Variants in MAP4K3 observed in about 807,000 individuals in gnomAD.
MAP4K3 encodes mitogen-activated protein kinase kinase kinase kinase 3.
A neutral mutation model predicts 143.5 loss-of-function variants in MAP4K3; 94 were observed. The ratio of observed to expected loss-of-function variants is 0.65; its 90% CI spans 0.55 to 0.78. The LOEUF is 0.78. Ranked by LOEUF, MAP4K3 falls within the 30% of genes least tolerant of loss-of-function variation. The pLI is 0.00. For missense variants in MAP4K3, 1,077 were observed against 1,068.1 expected, an observed-to-expected ratio of 1.01 and a Z score of -0.12; for synonymous variants, 416 against 347.2, an observed-to-expected ratio of 1.20 and a Z score of -2.20.
At chr2:39,287,582 T>C (rs1286563884) in intron 20 of MAP4K3, among the ~76,000 whole-genome samples, 2 of 152,112 alleles carry the variant, frequency 1.3e-5, no homozygotes, top group African/African-American at 2.4e-5. Context: ...GGATTACAGG[T>C]GTGAGCCACC....
intron 33 of MAP4K3, 93 bp downstream of exon 33, chr2:39,251,737 G>T: frequency 9.8e-7 from 1 of 1,023,938 alleles, no homozygotes; most frequent in South Asian, 1.4e-5. Context: ...ACATATTGCA[G>T]ACATTTCAAT....
Position 39,280,263 on chromosome 2 carries a change from C to A in MAP4K3, c.1714+9G>T. ...TAGGAAGATAACAGATAAAAACACA[C>A]AATACTACCTCTTGTATCTGGGTTT... On this transcript the variant is annotated intron_variant, in intron 23 of 33. Transcript: ENST00000263881. 6.7e-7 allele frequency: 1 copy of A among 1,485,214 alleles called. No individual in the cohort carries two copies. Among genetic ancestry groups the A allele is most frequent in the Non-Finnish European group, 9.1e-7 (1 of 1,095,326 alleles). The allele number at this position is 1,485,214 out of a possible 1,614,324, so 92.0% of individuals were successfully genotyped here. A position where few individuals can be genotyped will look rare whatever the true frequency, so the allele number is the denominator to read the frequency against.
intron 1 of MAP4K3, among the ~76,000 whole-genome samples, chr2:39,391,138 G>A (rs552775772): frequency 2.0e-5 from 3 of 151,988 alleles, no homozygotes; most frequent in Non-Finnish European, 2.9e-5. Context: ...GGCGGATCAC[G>A]AGGTCAGGAG....
At chr2:39,299,713 T>C (rs781122006) in intron 16 of MAP4K3, 30 bp downstream of exon 16, 2 of 1,337,682 alleles carry the variant, frequency 1.5e-6, no homozygotes, top group Admixed American at 4.6e-5. Flanking sequence ...TTCTTGAATT[T>C]AAATTAAGTT....
chr2:39,321,684 G>T (rs187643069), intron 12 of MAP4K3, among the ~76,000 whole-genome samples: 1 of 152,346 alleles, frequency 6.6e-6, no homozygotes, highest in Admixed American at 6.5e-5. Flanking sequence ...GCAATGGAAT[G>T]TCTCAGTATA....
At position 39,382,705 on chromosome 2, in the gene MAP4K3, C is replaced by A. The variant is rs538393195; in HGVS notation, c.97-4582G>T. On this transcript the variant is annotated intron_variant, in intron 1 of 33. Coordinates refer to ENST00000263881, the MANE Select transcript of MAP4K3 (RefSeq NM_003618.4). ...AAAATACTGCTACAAATTTTGAATT[C>A]TAGGTCAAGCGATTAAGAATGGGAC... 7.9e-5 allele frequency among the ~76,000 whole-genome samples: 12 copies of A among 152,254 alleles called. No homozygotes were observed. In the South Asian group the frequency reaches 2.5e-3, roughly 32 times the overall value.
intron 1 of MAP4K3, among the ~76,000 whole-genome samples, chr2:39,389,549 A>C (rs1216271555): frequency 6.6e-6 from 1 of 152,206 alleles, no homozygotes; most frequent in Non-Finnish European, 1.5e-5. Context: ...CACTCAGAGA[A>C]AAGGAGTCAG....
intron 2 of MAP4K3, among the ~76,000 whole-genome samples, chr2:39,366,039 G>A (rs1665912925): frequency 6.6e-6 from 1 of 152,146 alleles, no homozygotes; most frequent in Admixed American, 6.5e-5. Flanking sequence ...TACTTCAGTT[G>A]TTCGTGAAAG....
chr2:39,348,245 C>A (rs1376379398), intron 3 of MAP4K3, among the ~76,000 whole-genome samples: 1 of 151,900 alleles, frequency 6.6e-6, no homozygotes, highest in Non-Finnish European at 1.5e-5. Context: ...TATGACACTA[C>A]CTTCTACTTG....
At chr2:39,261,874 G>T (rs573952560) in intron 28 of MAP4K3, among the ~76,000 whole-genome samples, 1 of 151,942 alleles carries the variant, frequency 6.6e-6, no homozygotes, top group African/African-American at 2.4e-5. Flanking sequence ...AATGTTTAGG[G>T]ATATGAGCTT....
intron 16 of MAP4K3, among the ~76,000 whole-genome samples, chr2:39,294,603 T>A (rs942955806): frequency 6.6e-6 from 1 of 152,356 alleles, no homozygotes; most frequent in African/African-American, 2.4e-5. Context: ...GATATGGCAC[T>A]GGATAAGTTA....
At chr2:39,258,841 G>A (rs1429476403) in intron 29 of MAP4K3, among the ~76,000 whole-genome samples, 4 of 152,090 alleles carry the variant, frequency 2.6e-5, no homozygotes, top group South Asian at 4.1e-4. Flanking sequence ...ACAGAATGCC[G>A]ACTGCACTAG....
At chr2:39,328,571 G>A (rs578021557) in intron 8 of MAP4K3, among the ~76,000 whole-genome samples, 1 of 152,304 alleles carries the variant, frequency 6.6e-6, no homozygotes, top group East Asian at 1.9e-4. Flanking sequence ...GATGGAGGTA[G>A]AGCATTTACT....
chr2:39,252,903 T>G (rs1412568063), intron 32 of MAP4K3, among the ~76,000 whole-genome samples: 1 of 152,174 alleles, frequency 6.6e-6, no homozygotes, highest in Non-Finnish European at 1.5e-5. Context: ...GAAGCTAACA[T>G]TTTTGGAGGT....
chr2:39,412,914 TC>T (rs2148619240), intron 1 of MAP4K3, among the ~76,000 whole-genome samples: 1 of 152,330 alleles, frequency 6.6e-6, no homozygotes, highest in South Asian at 2.1e-4. Context: ...AACTACTTGG[TC>T]ATCTGACCAA....
Position 39,316,644 on chromosome 2 carries a change from G to A in MAP4K3, c.919-1256C>T, listed in dbSNP as rs538889696. On this transcript the variant is annotated intron_variant, in intron 12 of 33. Transcript: ENST00000263881. ...CCAGGGAATGAAAGATGCCCAACCTGAAATTAAAGTAGGCAACAGAATGTT... is the reference window on the plus strand; with the variant it reads ...CCAGGGAATGAAAGATGCCCAACCTAAAATTAAAGTAGGCAACAGAATGTT... Among the ~76,000 whole-genome samples, 7 of 152,240 alleles carry A rather than the reference G, an allele frequency of 4.6e-5. No homozygotes were observed. In the South Asian group the frequency reaches 1.5e-3, roughly 32 times the overall value.
chr2:39,361,327 T>C (rs756373619), intron 2 of MAP4K3, among the ~76,000 whole-genome samples: 15 of 152,136 alleles, frequency 9.9e-5, no homozygotes, highest in African/African-American at 3.6e-4. Flanking sequence ...TTTCCCCATG[T>C]ACCACACTTA....
At chr2:39,344,912 C>A (rs553340068) in intron 3 of MAP4K3, among the ~76,000 whole-genome samples, 7 of 152,226 alleles carry the variant, frequency 4.6e-5, no homozygotes, top group African/African-American at 1.4e-4. Flanking sequence ...GGAAATAAAC[C>A]CAGAATAGGC....
intron 21 of MAP4K3, among the ~76,000 whole-genome samples, chr2:39,284,263 G>T (rs895909407): frequency 1.3e-5 from 2 of 152,034 alleles, no homozygotes; most frequent in East Asian, 1.9e-4. Context: ...CCAGGTTCAA[G>T]TGATTCTCGT....
Sources: gnomAD v4.1 joint callset for allele counts (sites outside exome capture counted in the v4.1 genomes callset) on GRCh38, gnomAD v4.1.1 for gene constraint, MANE v1.5 for transcripts, NCBI Gene and HGNC (gene_info 2026-07-23, HGNC 2026-07-21) for gene names.